JADE3: variants seen among roughly 807,000 people sequenced by gnomAD.
JADE3 encodes the protein protein Jade-3.
JADE3 carries 2 observed loss-of-function variants against 50.1 expected under a neutral mutation model. The observed-to-expected ratio is 0.04, with a 90% CI of 0.02 to 0.13. The LOEUF is 0.13. JADE3 is among the 10% of genes least tolerant of loss of function. JADE3 has a pLI of 1.00. For synonymous variants in JADE3, 218 were observed against 232.9 expected (o/e 0.94, Z 0.58); for missense variants, 475 against 634.4 (o/e 0.75, Z 2.70).
Position 47,033,617 on chromosome X carries a change from C to T in JADE3, c.688-4C>T, listed in dbSNP as rs957136815. ...ATTCTCCCCTCTCCTCCTCATACCT[C>T]CAGGCCTGCTATGGCATCCTCAAGG... is the stretch of plus-strand genomic sequence containing the variant. On this transcript the variant is annotated splice_region_variant and splice_polypyrimidine_tract_variant and intron_variant, in intron 6 of 10. Transcript: ENST00000614628. The T allele has an allele frequency of 5.8e-6, 7 of 1,203,397 alleles. No individual in the cohort carries two copies. The highest frequency in any genetic ancestry group is 7.9e-6 in the Non-Finnish European group (7 of 890,515).
At chrX:46,948,713 C>T (rs1459672160) in intron 1 of JADE3, among the ~76,000 whole-genome samples, 9 of 111,125 alleles carry the variant, frequency 8.1e-5, no homozygotes, top group Non-Finnish European at 1.5e-4. Flanking sequence ...AAGGGTACAA[C>T]GCTATTAATA....
intron 4 of JADE3, among the ~76,000 whole-genome samples, chrX:47,016,346 C>A (rs913440875): frequency 8.9e-6 from 1 of 111,835 alleles, no homozygotes; most frequent in East Asian, 2.8e-4. Flanking sequence ...TTTTATTCAC[C>A]ACTGTAACCC....
At chrX:46,942,716 G>T (rs1219268432) in intron 1 of JADE3, among the ~76,000 whole-genome samples, 2 of 111,639 alleles carry the variant, frequency 1.8e-5, no homozygotes, top group Non-Finnish European at 3.8e-5. Flanking sequence ...ATGAATTTTA[G>T]AATATTTTTC....
At chrX:46,930,531 C>A (rs1277602207) in intron 1 of JADE3, among the ~76,000 whole-genome samples, 2 of 111,997 alleles carry the variant, frequency 1.8e-5, no homozygotes, top group African/African-American at 6.5e-5. Context: ...ACTGCTATAT[C>A]CCCAGGGCCT....
Position 47,059,362 on chromosome X carries a change from A to G in JADE3, c.*285A>G, listed in dbSNP as rs1929712131. On this transcript the variant is annotated 3_prime_UTR_variant, in exon 11 of 11. Coordinates refer to ENST00000614628, the MANE Select transcript of JADE3 (RefSeq NM_014735.5). The stretch of plus-strand genomic sequence containing the variant: ...AATATTTTGGGGCAGCTTTCCGGTT[A>G]TATAACACATTGACAAGTATATGTA... 3.7e-6 allele frequency: 1 copy of G among 272,269 alleles called. No individual in the cohort carries two copies. Among genetic ancestry groups the G allele is most frequent in the Non-Finnish European group, 6.4e-6 (1 of 155,609 alleles). 22.4% of individuals were successfully genotyped at this position (272,269 alleles called of 1,213,427 possible). A position where few individuals can be genotyped will look rare whatever the true frequency, so the allele number is the denominator to read the frequency against.
chrX:47,025,299 C>A (rs1928883331), intron 5 of JADE3, among the ~76,000 whole-genome samples: 1 of 111,181 alleles, frequency 9.0e-6, no homozygotes, highest in African/African-American at 3.3e-5. Context: ...GATCAGTGAG[C>A]AGGGCCAGAG....
intron 1 of JADE3, among the ~76,000 whole-genome samples, chrX:46,964,287 T>C (rs1026457972): frequency 2.7e-5 from 3 of 112,211 alleles, no homozygotes; most frequent in African/African-American, 9.7e-5. Flanking sequence ...TCCTTCCACT[T>C]AAATCTGGGT....
At chrX:46,991,565 A>G (rs782750512) in intron 3 of JADE3, among the ~76,000 whole-genome samples, 6 of 111,708 alleles carry the variant, frequency 5.4e-5, no homozygotes, top group Admixed American at 9.5e-5. Flanking sequence ...TGTCTTGACT[A>G]TACACATAGG....
rs192207111 is a variant in JADE3, at chrX:46,938,003, T to A, written c.-12+25284T>A. 1.8e-4 allele frequency among the ~76,000 whole-genome samples: 20 copies of A among 110,996 alleles called. No homozygotes were observed. In the South Asian group the frequency reaches 1.9e-3, roughly 11 times the overall value. Reference sequence around the variant, plus strand: ...CAAATAAATAAACAAATAAATAAATTGTTTCTTTTAATCAGTGTTTGCATC... The same window carrying A: ...CAAATAAATAAACAAATAAATAAATAGTTTCTTTTAATCAGTGTTTGCATC... On this transcript the variant is annotated intron_variant, in intron 1 of 10. Coordinates refer to ENST00000614628, the MANE Select transcript of JADE3 (RefSeq NM_014735.5).
At chrX:46,918,450 T>C (rs782198942) in intron 1 of JADE3, among the ~76,000 whole-genome samples, 1 of 112,258 alleles carries the variant, frequency 8.9e-6, no homozygotes, top group Admixed American at 9.4e-5. Flanking sequence ...TCAATACTTA[T>C]ATATTTATAT....
intron 4 of JADE3, among the ~76,000 whole-genome samples, chrX:46,999,434 CATATATAT>C (rs56687519): frequency 1.5e-5 from 1 of 65,940 alleles, no homozygotes; most frequent in African/African-American, 6.9e-5. Flanking sequence ...ACATATATAA[CATATATAT>C]ATATATATAA....
At chrX:46,989,379 G>A (rs1556355365) in intron 3 of JADE3, among the ~76,000 whole-genome samples, 1 of 111,550 alleles carries the variant, frequency 9.0e-6, no homozygotes, top group African/African-American at 3.3e-5. Context: ...TGTTATTTTA[G>A]GATAGGTCTG....
intron 1 of JADE3, among the ~76,000 whole-genome samples, chrX:46,975,306 A>G (rs1367132685): frequency 8.9e-6 from 1 of 112,396 alleles, no homozygotes; most frequent in Admixed American, 9.5e-5. Context: ...TTGAAATCTT[A>G]GAAAAGTATT....
chrX:46,971,621 C>T (rs781949109), intron 1 of JADE3, among the ~76,000 whole-genome samples: 1 of 104,899 alleles, frequency 9.5e-6, no homozygotes, highest in African/African-American at 3.5e-5. Flanking sequence ...CGGTGAAACC[C>T]TGTCTCTACT....
At chrX:46,918,052 A>G (rs944589004) in intron 1 of JADE3, among the ~76,000 whole-genome samples, 13 of 111,169 alleles carry the variant, frequency 1.2e-4, no homozygotes, top group African/African-American at 4.3e-4. Context: ...AACAGTTTTT[A>G]TCGACTGCCA....
At chrX:47,052,636 A>G (rs1339911333) in intron 8 of JADE3, among the ~76,000 whole-genome samples, 2 of 104,115 alleles carry the variant, frequency 1.9e-5, no homozygotes, top group Admixed American at 2.1e-4. Context: ...TCTGTCTCAA[A>G]AAAAAAAAAA....
At chrX:46,916,079 G>A (rs782736634) in intron 1 of JADE3, among the ~76,000 whole-genome samples, 4 of 111,597 alleles carry the variant, frequency 3.6e-5, no homozygotes, top group Non-Finnish European at 5.6e-5. Context: ...GTTTTGTTTT[G>A]AGACACATGA....
chrX:46,923,763 T>C (rs1449669783), intron 1 of JADE3, among the ~76,000 whole-genome samples: 1 of 110,821 alleles, frequency 9.0e-6, no homozygotes, highest in Non-Finnish European at 1.9e-5. Flanking sequence ...ATTTTGACTC[T>C]TGCTTAGCTT....
chrX:46,951,502 G>T (rs1927002447), intron 1 of JADE3, among the ~76,000 whole-genome samples: 2 of 104,274 alleles, frequency 1.9e-5, no homozygotes, highest in African/African-American at 6.9e-5. Flanking sequence ...CAGGAGAATT[G>T]CTTGAACCCG....
Sources: gnomAD v4.1 joint callset for allele counts (sites outside exome capture counted in the v4.1 genomes callset) on GRCh38, gnomAD v4.1.1 for gene constraint, MANE v1.5 for transcripts, NCBI Gene and HGNC (gene_info 2026-07-23, HGNC 2026-07-21) for gene names.